SNX16: variants seen among roughly 807,000 people sequenced by gnomAD.
SNX16 encodes the protein sorting nexin-16.
In SNX16, 35 loss-of-function variants were observed where a neutral mutation model predicts 36.7. The observed-to-expected ratio is 0.95, with a 90% CI of 0.73 to 1.27. The LOEUF is 1.27. Ranked by LOEUF, SNX16 falls within the 50% of genes most tolerant of loss-of-function variation. The pLI, the probability that SNX16 is intolerant of heterozygous loss-of-function variation, is 0.00. For synonymous variants in SNX16, 134 were observed against 132.0 expected (o/e 1.02, Z -0.10); for missense variants, 367 against 393.6 (o/e 0.93, Z 0.57).
At chr8:81,814,518 A>T (rs1196677076) in intron 5 of SNX16, 3 of 152,074 alleles carry the variant, frequency 2.0e-5, no homozygotes, top group Non-Finnish European at 4.4e-5. Flanking sequence ...ATTCTTTTTG[A>T]GGTGATGAAA....
chr8:81,815,329 C>T lies in SNX16; in HGVS notation c.677G>A (p.Ser226Asn), dbSNP rs1454877706. 1.2e-6 allele frequency: 2 copies of T among 1,611,664 alleles called. No individual in the cohort carries two copies. Among genetic ancestry groups the T allele is most frequent in the Non-Finnish European group, 1.7e-6 (2 of 1,178,412 alleles). The change falls in exon 5 of 8, where the codon AGC (serine) becomes AAC (asparagine). Residue 226 changes from serine to asparagine, a missense_variant. Transcript: ENST00000345957. Reference sequence around the variant, plus strand: ...GCTATATAATACAGCACTTACCCTGCTTTCTTCTAGGCTATCAAATGGACC... The same window carrying T: ...GCTATATAATACAGCACTTACCCTGTTTTCTTCTAGGCTATCAAATGGACC... ...PPGPFDSLEE[S>N]RAFCETLEET...
At chr8:81,826,408 G>T (rs548969666) in intron 3 of SNX16, among the ~76,000 whole-genome samples, 1 of 152,222 alleles carries the variant, frequency 6.6e-6, no homozygotes, top group Admixed American at 6.5e-5. Flanking sequence ...AAGCAACTGA[G>T]AACAGTAATT....
At chr8:81,815,417 G>A (rs1416452558) in intron 4 of SNX16, 23 bp from the exon 5 acceptor site, 6 of 1,587,168 alleles carry the variant, frequency 3.8e-6, no homozygotes, top group Non-Finnish European at 5.2e-6. Context: ...AAAAAAAAAT[G>A]ATCTGAAGTA....
intron 1 of SNX16, chr8:81,841,600 C>T (rs1232269407): frequency 6.6e-6 from 1 of 151,698 alleles, no homozygotes; most frequent in African/African-American, 2.4e-5. Context: ...CACTGACGTC[C>T]GAAGATGTGA....
intron 2 of SNX16, among the ~76,000 whole-genome samples, chr8:81,833,776 A>AAGTGCTTTCTACTTGTTTAAGT (rs1272482156): frequency 6.6e-6 from 1 of 152,190 alleles, no homozygotes; most frequent in Non-Finnish European, 1.5e-5. Flanking sequence ...CTCTTCTAGA[A>AAGTGCTTTCTACTTGTTTAAGT]AGTGCTTTCT....
At chr8:81,818,922 T>C (rs7833790) in intron 4 of SNX16, among the ~76,000 whole-genome samples, 111,851 of 151,958 alleles carry the variant, frequency 0.74, 41,550 homozygotes, top group South Asian at 0.8. Flanking sequence ...CTTTCAAGTA[T>C]GTAAAGATGG....
intron 2 of SNX16, among the ~76,000 whole-genome samples, chr8:81,830,690 C>G (rs907333884): frequency 1.3e-5 from 2 of 150,878 alleles, no homozygotes; most frequent in African/African-American, 4.9e-5. Context: ...CCACACTGCC[C>G]AAAGCAGTCT....
In SNX16 at chr8:81,801,450, T is replaced by G; in HGVS notation, c.*47A>C. The G allele has an allele frequency of 1.8e-6, 2 of 1,130,626 alleles. No homozygotes were observed. The highest frequency in any genetic ancestry group is 2.5e-5 in the East Asian group (1 of 40,612). 70.0% of individuals were successfully genotyped at this position (1,130,626 alleles called of 1,614,324 possible). ...TCTTTTAAAATAGTATTTGCCACTCTTCTAAATTTTTGAATAGTCTAAATG... is the reference window on the plus strand; with the variant it reads ...TCTTTTAAAATAGTATTTGCCACTCGTCTAAATTTTTGAATAGTCTAAATG... On this transcript the variant is annotated 3_prime_UTR_variant, in exon 8 of 8. Coordinates refer to ENST00000345957, the MANE Select transcript of SNX16 (RefSeq NM_152836.3).
chr8:81,815,255 A>T, intron 5 of SNX16, 70 bp downstream of exon 5: 16 of 1,203,978 alleles, frequency 1.3e-5, no homozygotes, highest in Non-Finnish European at 1.9e-5. Flanking sequence ...TATTCCATCC[A>T]AGAAACAATG....
At chr8:81,802,541 A>G (rs1419419421) in intron 6 of SNX16, 42 bp from the exon 7 acceptor site, 2 of 1,561,536 alleles carry the variant, frequency 1.3e-6, no homozygotes, top group Middle Eastern at 3.4e-4. Flanking sequence ...CTATGAACAA[A>G]ACAGGCATAT....
intron 4 of SNX16, among the ~76,000 whole-genome samples, chr8:81,816,649 G>A (rs1810510481): frequency 6.6e-6 from 1 of 152,074 alleles, no homozygotes. Flanking sequence ...TATTTAATAT[G>A]CTCACATATT....
In SNX16 at chr8:81,839,717, T is replaced by C. The variant is rs1811650669; in HGVS notation, c.270A>G (p.Pro90=). The C allele has an allele frequency of 6.2e-7, 1 of 1,614,030 alleles. No homozygotes were observed. The highest frequency in any genetic ancestry group is 8.5e-7 in the Non-Finnish European group (1 of 1,179,908). ...CCGGATTTTGTTCTTCAGTGTCTCT[T>C]GGTCTAGTAGAATACTCAATGGAAG... ...TASSIEYSTR[P]RDTEEQNPET... The change falls in exon 2 of 8, where the codon CCA becomes CCG. Residue 90 remains proline (P), a synonymous_variant. Coordinates refer to ENST00000345957, the MANE Select transcript of SNX16 (RefSeq NM_152836.3).
Position 81,839,782 on chromosome 8 carries a change from TACAG to T in SNX16, c.201_204del (p.Cys68AlafsTer33). On this transcript the variant is annotated frameshift_variant, in exon 2 of 8. Transcript: ENST00000345957. LOFTEE classifies it high-confidence loss of function. ...AATTTAGTCCTAATGAGGGGACTGC[TACAG>T]ACAGATGAAGTATTATCCATTTGAT... is the stretch of plus-strand genomic sequence containing the variant. 6.2e-7 allele frequency: 1 copy of T among 1,613,710 alleles called. No individual in the cohort carries two copies. The highest frequency in any genetic ancestry group is 1.7e-4 in the Middle Eastern group (1 of 6,060).
At chr8:81,814,769 A>G (rs1028560923) in intron 5 of SNX16, 1 of 152,144 alleles carries the variant, frequency 6.6e-6, no homozygotes, top group Non-Finnish European at 1.5e-5. Context: ...TTTAAATGCC[A>G]TTAAACATTT....
chr8:81,835,415 C>A (rs987896051), intron 2 of SNX16, among the ~76,000 whole-genome samples: 8 of 152,220 alleles, frequency 5.3e-5, no homozygotes, highest in African/African-American at 1.9e-4. Flanking sequence ...ATTTCTACAG[C>A]CAGCTTGAAT....
intron 1 of SNX16, chr8:81,841,760 G>A (rs918066070): frequency 6.6e-6 from 1 of 152,336 alleles, no homozygotes; most frequent in African/African-American, 2.4e-5. Context: ...CTCAGGTGAG[G>A]TGGCCCGACT....
chr8:81,836,114 T>C (rs56845979), intron 2 of SNX16, among the ~76,000 whole-genome samples: 37,725 of 152,048 alleles, frequency 0.25, 5,229 homozygotes, highest in East Asian at 0.37. Context: ...GAGCAAGAAA[T>C]GAAACATTAC....
chr8:81,808,842 T>C, intron 5 of SNX16: 2 of 692,980 alleles, frequency 2.9e-6, no homozygotes, highest in East Asian at 2.7e-5. Context: ...AGGGCCTAGC[T>C]GCTACAAAGA....
intron 1 of SNX16, chr8:81,840,525 T>C (rs1811696977): frequency 6.5e-6 from 1 of 152,694 alleles, no homozygotes; most frequent in African/African-American, 2.4e-5. Context: ...AGGGAGGAAA[T>C]CTATTCACAT....
Sources: allele counts gnomAD v4.1 joint callset (sites outside exome capture counted in the v4.1 genomes callset), GRCh38; gene constraint gnomAD v4.1.1; transcripts MANE v1.5; gene names NCBI Gene and HGNC (gene_info 2026-07-23, HGNC 2026-07-21).